NFILZ: variants seen among roughly 807,000 people sequenced by gnomAD.
The protein encoded by NFILZ is NFIL3 like basic leucine zipper.
chr19:8,642,039 G>A (rs912475394), intron 3 of NFILZ, among the ~76,000 whole-genome samples: 5 of 152,032 alleles, frequency 3.3e-5, no homozygotes, highest in African/African-American at 9.7e-5. Context: ...ACAGGGTCTT[G>A]CTATGTTGGC....
At chr19:8,652,921 CTT>C (rs1491195112) in intron 3 of NFILZ, among the ~76,000 whole-genome samples, 9 of 137,256 alleles carry the variant, frequency 6.6e-5, no homozygotes, top group East Asian at 4.0e-4. Context: ...CTCTCTCTCT[CTT>C]CTCTCTCTCT....
Position 8,679,103 on chromosome 19 carries a change from G to A in NFILZ, c.*1468G>A. Among the ~76,000 whole-genome samples, 1 of 151,986 alleles carries A rather than the reference G, an allele frequency of 6.6e-6. No homozygotes were observed. Among genetic ancestry groups the A allele is most frequent in the East Asian group, 1.9e-4 (1 of 5,166 alleles). ...TGCTGGAACAGGAGCAGCTGTGTGA[G>A]GGCATCAGTGTCCTCTCTCTCCCTG... On this transcript the variant is annotated 3_prime_UTR_variant, in exon 6 of 6. Coordinates refer to ENST00000691075, the MANE Select transcript of NFILZ (RefSeq NM_001378600.1).
intron 1 of NFILZ, among the ~76,000 whole-genome samples, chr19:8,631,676 G>A (rs1000874457): frequency 2.2e-4 from 34 of 152,238 alleles, no homozygotes; most frequent in African/African-American, 7.2e-4. Flanking sequence ...ACATCCAGCC[G>A]CCAGGCCTTC....
intron 3 of NFILZ, among the ~76,000 whole-genome samples, chr19:8,644,089 G>A (rs1376971229): frequency 6.6e-6 from 1 of 152,010 alleles, no homozygotes; most frequent in Non-Finnish European, 1.5e-5. Context: ...TTGGAGATAG[G>A]GCATTGATTG....
At chr19:8,644,005 C>T (rs781846398) in intron 3 of NFILZ, among the ~76,000 whole-genome samples, 29 of 152,136 alleles carry the variant, frequency 1.9e-4, no homozygotes, top group Non-Finnish European at 3.5e-4. Context: ...CCAACACCTC[C>T]TTCCCTCATT....
At chr19:8,641,827 AG>A (rs2042920533) in intron 3 of NFILZ, among the ~76,000 whole-genome samples, 1 of 133,380 alleles carries the variant, frequency 7.5e-6, no homozygotes, top group Admixed American at 7.6e-5. Flanking sequence ...AATAAATGAT[AG>A]CTTTTTTTTT....
chr19:8,646,574 C>T (rs112834228), intron 3 of NFILZ, among the ~76,000 whole-genome samples: 3 of 152,152 alleles, frequency 2.0e-5, no homozygotes, highest in Non-Finnish European at 4.4e-5. Flanking sequence ...GCCACTCTTC[C>T]TTTGCCTAGA....
At chr19:8,655,575 A>G (rs2042988495) in intron 3 of NFILZ, among the ~76,000 whole-genome samples, 2 of 152,136 alleles carry the variant, frequency 1.3e-5, no homozygotes, top group African/African-American at 4.8e-5. Flanking sequence ...GGGAGGTTCC[A>G]CAAGGCTGAT....
intron 3 of NFILZ, among the ~76,000 whole-genome samples, chr19:8,637,593 A>T (rs1216972223): frequency 7.8e-6 from 1 of 127,742 alleles, no homozygotes; most frequent in East Asian, 2.2e-4. Context: ...AGCCTAGGCG[A>T]CAGAGTGAGA....
At chr19:8,641,658 G>C (rs1406229053) in intron 3 of NFILZ, among the ~76,000 whole-genome samples, 5 of 152,168 alleles carry the variant, frequency 3.3e-5, no homozygotes, top group Admixed American at 2.6e-4. Flanking sequence ...CTTGGTGTCA[G>C]AGTAAGAACT....
chr19:8,647,387 C>A (rs2042943323), intron 3 of NFILZ, among the ~76,000 whole-genome samples: 1 of 152,146 alleles, frequency 6.6e-6, no homozygotes, highest in African/African-American at 2.4e-5. Context: ...GCCTAGCCAA[C>A]ATGGTGAAAC....
chr19:8,650,993 A>G (rs1006201290), intron 3 of NFILZ, among the ~76,000 whole-genome samples: 2 of 152,104 alleles, frequency 1.3e-5, no homozygotes, highest in Non-Finnish European at 2.9e-5. Context: ...ATTTTTAGTT[A>G]TTGTGGAACC....
At chr19:8,663,996 A>G (rs1214621219) in intron 3 of NFILZ, among the ~76,000 whole-genome samples, 1 of 152,080 alleles carries the variant, frequency 6.6e-6, no homozygotes, top group Non-Finnish European at 1.5e-5. Context: ...GGAAAGGCAG[A>G]ACCTGAGGGG....
At chr19:8,637,536 T>A (rs543708135) in intron 3 of NFILZ, among the ~76,000 whole-genome samples, 1 of 143,476 alleles carries the variant, frequency 7.0e-6, no homozygotes, top group South Asian at 2.3e-4. Flanking sequence ...TAGCTTGAAC[T>A]GGGGAGGTGG....
chr19:8,657,103 G>T (rs1164390509), intron 3 of NFILZ, among the ~76,000 whole-genome samples: 1 of 151,928 alleles, frequency 6.6e-6, no homozygotes, highest in Admixed American at 6.6e-5. Context: ...GTGGAGGGGG[G>T]CGGTTTTCGC....
At chr19:8,631,953 T>C (rs1393254240) in intron 1 of NFILZ, among the ~76,000 whole-genome samples, 1 of 151,778 alleles carries the variant, frequency 6.6e-6, no homozygotes, top group Non-Finnish European at 1.5e-5. Context: ...CACTGCAACC[T>C]CTGCCTCCCG....
At chr19:8,663,744 G>GTGTATGTGTGTGTGTGTGTGTGTGTA (rs1555749451) in intron 3 of NFILZ, among the ~76,000 whole-genome samples, 5 of 121,822 alleles carry the variant, frequency 4.1e-5, no homozygotes, top group Admixed American at 2.0e-4. Context: ...GTGTGTGTGT[G>GTGTATGTGTGTGTGTGTGTGTGTGTA]TGTGTGTGTG....
At chr19:8,652,975 CCTTCCT>C (rs2042972156) in intron 3 of NFILZ, among the ~76,000 whole-genome samples, 1 of 62,476 alleles carries the variant, frequency 1.6e-5, no homozygotes, top group Non-Finnish European at 3.3e-5. Flanking sequence ...TTCCCTCCTT[CCTTCCT>C]TCCTTCCTTC....
chr19:8,633,698 G>A (rs2042880693), intron 2 of NFILZ, among the ~76,000 whole-genome samples: 1 of 152,102 alleles, frequency 6.6e-6, no homozygotes, highest in South Asian at 2.1e-4. Context: ...GACCAACTTA[G>A]CTATGCCCAA....
Sources: allele counts gnomAD v4.1 joint callset (sites outside exome capture counted in the v4.1 genomes callset), GRCh38; gene constraint gnomAD v4.1.1; transcripts MANE v1.5; gene names NCBI Gene and HGNC (gene_info 2026-07-23, HGNC 2026-07-21).